The following MAGI1 variants were observed in gnomAD, a reference collection of about 807,000 sequenced individuals.
MAGI1 encodes the protein membrane associated guanylate kinase, WW and PDZ domain containing 1, also known as membrane-associated guanylate kinase, WW and PDZ domain-containing protein 1.
In MAGI1, 58 loss-of-function variants were observed where a neutral mutation model predicts 139.9. That is an observed-to-expected ratio of 0.41 (90% CI 0.34 to 0.52). The LOEUF (loss-of-function observed/expected upper bound fraction) is 0.52, where lower values mean the gene tolerates loss of function less well. Among genes scored for constraint, MAGI1 ranks in the 20% least tolerant of loss-of-function variants. The pLI is 0.12. For missense variants in MAGI1, 1,874 were observed against 1,901.6 expected (o/e 0.99, Z 0.27); for synonymous variants, 812 against 737.9 (o/e 1.10, Z -1.63).
chr3:65,368,682 G>A (rs779247493), intron 18 of MAGI1, among the ~76,000 whole-genome samples: 19 of 152,202 alleles, frequency 1.2e-4, no homozygotes, highest in Non-Finnish European at 1.9e-4. Flanking sequence ...GCGGCATGGG[G>A]AAATTTGAAT....
intron 1 of MAGI1, chr3:65,688,207 C>A (rs2088236057): frequency 8.9e-6 from 7 of 786,362 alleles, no homozygotes; most frequent in Admixed American, 7.1e-5. Context: ...ACAGTCATGA[C>A]CCTAGAACAG....
At chr3:65,771,969 G>A (rs1189773467) in intron 1 of MAGI1, among the ~76,000 whole-genome samples, 2 of 152,178 alleles carry the variant, frequency 1.3e-5, no homozygotes, top group Non-Finnish European at 2.9e-5. Context: ...TTGGGAGGCC[G>A]AGGCGGGTGG....
chr3:65,680,017 G>A (rs369761666), intron 1 of MAGI1, among the ~76,000 whole-genome samples: 1 of 152,272 alleles, frequency 6.6e-6, no homozygotes, highest in East Asian at 1.9e-4. Flanking sequence ...TCCTTGCTTA[G>A]AGGGTAGAAA....
chr3:65,725,325 A>G (rs1421290514), intron 1 of MAGI1, among the ~76,000 whole-genome samples: 1 of 152,194 alleles, frequency 6.6e-6, no homozygotes, highest in African/African-American at 2.4e-5. Flanking sequence ...TCTGAAAAAC[A>G]GGGAGAGTAA....
intron 1 of MAGI1, among the ~76,000 whole-genome samples, chr3:65,722,561 A>G (rs1465727875): frequency 3.3e-5 from 5 of 152,286 alleles, no homozygotes; most frequent in African/African-American, 7.2e-5. Context: ...TGAGCCCAAG[A>G]GCTGGAGGCT....
At chr3:65,432,863 A>G (rs1255032180) in intron 10 of MAGI1, among the ~76,000 whole-genome samples, 1 of 152,158 alleles carries the variant, frequency 6.6e-6, no homozygotes, top group Non-Finnish European at 1.5e-5. Context: ...TTATGCAGAG[A>G]CATCAACAGC....
intron 2 of MAGI1, among the ~76,000 whole-genome samples, chr3:65,602,538 G>A (rs1255195821): frequency 1.3e-5 from 2 of 152,030 alleles, no homozygotes; most frequent in African/African-American, 2.4e-5. Context: ...AGCTGTGGGA[G>A]TTAGAAGGAA....
chr3:65,872,025 A>G (rs1429790013), intron 1 of MAGI1, among the ~76,000 whole-genome samples: 3 of 152,296 alleles, frequency 2.0e-5, no homozygotes, highest in Non-Finnish European at 2.9e-5. Flanking sequence ...TTCTCGCTCT[A>G]CTAACCAGTT....
chr3:65,879,400 A>G (rs2060239335), intron 1 of MAGI1, among the ~76,000 whole-genome samples: 1 of 152,094 alleles, frequency 6.6e-6, no homozygotes, highest in African/African-American at 2.4e-5. Flanking sequence ...GAGAGAAGTC[A>G]GGCGATTAAG....
chr3:65,909,354 C>G (rs2061565578), intron 1 of MAGI1, among the ~76,000 whole-genome samples: 1 of 149,874 alleles, frequency 6.7e-6, no homozygotes, highest in African/African-American at 2.5e-5. Context: ...GTTGAGACCC[C>G]ATCTCTACAA....
intron 1 of MAGI1, among the ~76,000 whole-genome samples, chr3:65,801,406 C>G (rs2040504523): frequency 6.6e-6 from 1 of 152,164 alleles, no homozygotes; most frequent in Non-Finnish European, 1.5e-5. Context: ...TTATAACATT[C>G]TAGAAAAATG....
intron 12 of MAGI1, among the ~76,000 whole-genome samples, chr3:65,413,756 G>T (rs1311947666): frequency 6.6e-6 from 1 of 152,114 alleles, no homozygotes; most frequent in East Asian, 1.9e-4. Flanking sequence ...CTGAGTACAG[G>T]AATCAGTTTC....
At chr3:65,573,501 G>C (rs958692773) in intron 2 of MAGI1, among the ~76,000 whole-genome samples, 1 of 150,974 alleles carries the variant, frequency 6.6e-6, no homozygotes, top group African/African-American at 2.4e-5. Context: ...AGTAGACACA[G>C]AAAAAGTATT....
At chr3:65,939,263 C>A (rs2063198810) in intron 1 of MAGI1, among the ~76,000 whole-genome samples, 2 of 152,124 alleles carry the variant, frequency 1.3e-5, no homozygotes, top group African/African-American at 2.4e-5. Flanking sequence ...CAGGTTTCCA[C>A]ATTTCTATTC....
intron 1 of MAGI1, among the ~76,000 whole-genome samples, chr3:66,036,598 G>A (rs1285800872): frequency 6.6e-6 from 1 of 152,214 alleles, no homozygotes; most frequent in Non-Finnish European, 1.5e-5. Context: ...ATAGCTAAGT[G>A]TCAGCTCCTC....
chr3:65,358,837 T>C (rs1215546142), intron 22 of MAGI1, among the ~76,000 whole-genome samples: 1 of 152,200 alleles, frequency 6.6e-6, no homozygotes, highest in Non-Finnish European at 1.5e-5. Context: ...ACAAAGGTCA[T>C]GTGAAGATGT....
intron 2 of MAGI1, among the ~76,000 whole-genome samples, chr3:65,519,099 G>T (rs1334681316): frequency 6.6e-6 from 1 of 152,188 alleles, no homozygotes; most frequent in Non-Finnish European, 1.5e-5. Flanking sequence ...AGCAAGCTAT[G>T]TGTTTGAATT....
intron 1 of MAGI1, among the ~76,000 whole-genome samples, chr3:65,781,703 T>C (rs2038948884): frequency 6.6e-6 from 1 of 152,204 alleles, no homozygotes; most frequent in Middle Eastern, 3.2e-3. Context: ...CATTACAAGA[T>C]CCTAAATAGC....
At chr3:65,471,914 C>G (rs1950581339) in intron 4 of MAGI1, among the ~76,000 whole-genome samples, 1 of 152,072 alleles carries the variant, frequency 6.6e-6, no homozygotes, top group African/African-American at 2.4e-5. Flanking sequence ...TTGACATGAC[C>G]TGCCAGAGAA....
Sources: gnomAD v4.1 joint callset for allele counts (sites outside exome capture counted in the v4.1 genomes callset) on GRCh38, gnomAD v4.1.1 for gene constraint, MANE v1.5 for transcripts, NCBI Gene and HGNC (gene_info 2026-07-23, HGNC 2026-07-21) for gene names.